The following MCTP1 variants were observed in gnomAD, a reference collection of about 807,000 sequenced individuals.
The protein encoded by MCTP1 is multiple C2 and transmembrane domain-containing protein 1.
Under a neutral mutation model 120.6 loss-of-function variants are expected in MCTP1, and 69 were observed. That is an observed-to-expected ratio of 0.57 (90% CI 0.47 to 0.70). The LOEUF (loss-of-function observed/expected upper bound fraction) is 0.70. Ranked by LOEUF, MCTP1 falls within the 30% of genes least tolerant of loss-of-function variation. The pLI, the probability that MCTP1 is intolerant of heterozygous loss-of-function variation, is 0.00. For synonymous variants in MCTP1, 529 were observed against 493.1 expected (o/e 1.07, Z -0.96); for missense variants, 1,203 against 1,248.8 (o/e 0.96, Z 0.55).
At chr5:95,113,732 T>C (rs547161702) in intron 1 of MCTP1, among the ~76,000 whole-genome samples, 3 of 152,286 alleles carry the variant, frequency 2.0e-5, no homozygotes, top group South Asian at 2.1e-4. Flanking sequence ...CAACTCCTAA[T>C]TGAGTCCTAG....
chr5:95,094,667 A>G (rs1562138161), intron 1 of MCTP1, among the ~76,000 whole-genome samples: 1 of 152,244 alleles, frequency 6.6e-6, no homozygotes, highest in Non-Finnish European at 1.5e-5. Flanking sequence ...ATAAGCGGAT[A>G]ACATACTGTC....
At chr5:95,109,753 AT>A (rs1582269267) in intron 1 of MCTP1, among the ~76,000 whole-genome samples, 1 of 152,214 alleles carries the variant, frequency 6.6e-6, no homozygotes, top group African/African-American at 2.4e-5. Flanking sequence ...TAGTTATTAC[AT>A]TCTGCTGTAG....
chr5:95,215,205 C>T (rs1208006494), intron 1 of MCTP1, among the ~76,000 whole-genome samples: 2 of 152,156 alleles, frequency 1.3e-5, no homozygotes, highest in Non-Finnish European at 2.9e-5. Flanking sequence ...AACCTCAAAA[C>T]CCATTTTCAA....
intron 1 of MCTP1, among the ~76,000 whole-genome samples, chr5:95,162,346 C>A (rs1339302873): frequency 6.6e-6 from 1 of 152,088 alleles, no homozygotes; most frequent in Non-Finnish European, 1.5e-5. Context: ...AGTAATGAAA[C>A]AATTACCTGA....
At chr5:95,101,333 G>C (rs1475512138) in intron 1 of MCTP1, among the ~76,000 whole-genome samples, 1 of 151,820 alleles carries the variant, frequency 6.6e-6, no homozygotes, top group African/African-American at 2.4e-5. Flanking sequence ...TTCAAAATAG[G>C]TAATATTTCC....
At chr5:94,845,200 A>G (rs1247957132) in intron 17 of MCTP1, among the ~76,000 whole-genome samples, 2 of 152,212 alleles carry the variant, frequency 1.3e-5, no homozygotes, top group African/African-American at 2.4e-5. Flanking sequence ...TTTATAAAGA[A>G]AAAGAGGTTT....
chr5:94,864,512 G>A (rs1433992936), intron 17 of MCTP1, among the ~76,000 whole-genome samples: 1 of 151,836 alleles, frequency 6.6e-6, no homozygotes, highest in Non-Finnish European at 1.5e-5. Context: ...ATACATAAAT[G>A]TAGCTGAAAT....
chr5:95,124,841 T>C (rs749132447), intron 1 of MCTP1, among the ~76,000 whole-genome samples: 4 of 152,204 alleles, frequency 2.6e-5, no homozygotes, highest in Non-Finnish European at 4.4e-5. Flanking sequence ...ATATTTTCCT[T>C]CTCTTCTTAT....
chr5:95,055,458 T>C (rs527873141), intron 1 of MCTP1, among the ~76,000 whole-genome samples: 12 of 152,354 alleles, frequency 7.9e-5, no homozygotes, highest in Admixed American at 3.9e-4. Context: ...TGCCAGGCAC[T>C]TTTCTAAGCA....
At chr5:95,073,272 T>G (rs942822068) in intron 1 of MCTP1, among the ~76,000 whole-genome samples, 2 of 152,208 alleles carry the variant, frequency 1.3e-5, no homozygotes, top group Non-Finnish European at 2.9e-5. Context: ...ATCCTTTGGT[T>G]AGCAGAATCT....
chr5:95,223,165 A>AT (rs1436672594), intron 1 of MCTP1, among the ~76,000 whole-genome samples: 1 of 152,152 alleles, frequency 6.6e-6, no homozygotes, highest in Non-Finnish European at 1.5e-5. Context: ...TATAAAATTA[A>AT]TTATGGCTGG....
chr5:95,038,131 G>A (rs1841689418), intron 1 of MCTP1: 3 of 984,628 alleles, frequency 3.0e-6, no homozygotes, highest in African/African-American at 1.7e-5. Flanking sequence ...GCTGTGGATG[G>A]AGTAGGATCT....
At chr5:94,794,128 C>T (rs1779523356) in intron 18 of MCTP1, among the ~76,000 whole-genome samples, 1 of 152,222 alleles carries the variant, frequency 6.6e-6, no homozygotes, top group Admixed American at 6.5e-5. Context: ...ATCTGCCCCA[C>T]TCTTCAGTCT....
chr5:94,744,648 C>T (rs998452777), intron 19 of MCTP1, among the ~76,000 whole-genome samples: 9 of 152,144 alleles, frequency 5.9e-5, no homozygotes, highest in Non-Finnish European at 7.4e-5. Context: ...GGATTACAGG[C>T]GTGTGCCACC....
intron 2 of MCTP1, among the ~76,000 whole-genome samples, chr5:94,991,869 C>T (rs1831612090): frequency 9.0e-6 from 1 of 110,760 alleles, no homozygotes; most frequent in African/African-American, 3.7e-5. Context: ...AAGAGTGAAA[C>T]TCCATCTCAA....
At chr5:94,857,012 G>C (rs1794840029) in intron 17 of MCTP1, among the ~76,000 whole-genome samples, 1 of 151,742 alleles carries the variant, frequency 6.6e-6, no homozygotes, top group African/African-American at 2.4e-5. Flanking sequence ...ATCTCATTAA[G>C]ATGATGAGAA....
At chr5:94,988,665 T>G (rs1479461896) in intron 2 of MCTP1, among the ~76,000 whole-genome samples, 1 of 151,674 alleles carries the variant, frequency 6.6e-6, no homozygotes, top group Non-Finnish European at 1.5e-5. Flanking sequence ...AAGATTTGGT[T>G]AGGTCCAGTG....
At chr5:94,787,785 T>C (rs1230806470) in intron 18 of MCTP1, among the ~76,000 whole-genome samples, 2 of 151,978 alleles carry the variant, frequency 1.3e-5, no homozygotes, top group Non-Finnish European at 2.9e-5. Context: ...CCCGGCTAAT[T>C]TTTTTGTATT....
At chr5:95,044,898 A>G (rs1842919509) in intron 1 of MCTP1, among the ~76,000 whole-genome samples, 1 of 151,972 alleles carries the variant, frequency 6.6e-6, no homozygotes, top group Non-Finnish European at 1.5e-5. Context: ...TTTTGCTCTT[A>G]TTCCTCTTAA....
Sources: gnomAD v4.1 joint callset for allele counts (sites outside exome capture counted in the v4.1 genomes callset) on GRCh38, gnomAD v4.1.1 for gene constraint, MANE v1.5 for transcripts, NCBI Gene and HGNC (gene_info 2026-07-23, HGNC 2026-07-21) for gene names.